The following CMYA5 variants were observed in gnomAD, a reference collection of about 807,000 sequenced individuals.
The protein encoded by CMYA5 is cardiomyopathy associated 5, also known as cardiomyopathy-associated protein 5.
Under a neutral mutation model 318.9 loss-of-function variants are expected in CMYA5, and 246 were observed. That is an observed-to-expected ratio of 0.77 (90% CI 0.70 to 0.86). The LOEUF is 0.86. CMYA5 is among the 40% of genes least tolerant of loss of function. The probability of loss-of-function intolerance (pLI) is 0.00; values close to 1 mark genes in which losing one functional copy is unlikely to be tolerated. For missense variants in CMYA5, 4,589 were observed against 4,678.2 expected, an observed-to-expected ratio of 0.98 and a Z score of 0.56; for synonymous variants, 1,641 against 1,729.5, an observed-to-expected ratio of 0.95 and a Z score of 1.27.
chr5:79,788,971 AT>A lies in CMYA5; in HGVS notation c.11557del (p.Ser3853LeufsTer10), dbSNP rs1191897906. The A allele has an allele frequency of 6.2e-7, 1 of 1,613,214 alleles. No homozygotes were observed. Among genetic ancestry groups the A allele is most frequent in the South Asian group, 1.1e-5 (1 of 90,928 alleles). The part of the protein sequence containing the change: ...QHSPEGEGLR[S>X]FSGIKGLQLK... ...ATTATTATTTTCCTCTTGTATTTAG[AT>A]CTTTCTCTGGAATCAAAGGACTCCA... On this transcript the variant is annotated frameshift_variant and splice_region_variant, in exon 10 of 13. Transcript: ENST00000446378. LOFTEE classifies it high-confidence loss of function.
Position 79,690,024 on chromosome 5 carries a change from G to T in CMYA5, c.117G>T (p.Thr39=). The change falls in exon 1 of 13, where the codon ACG becomes ACT. Residue 39 remains threonine (T), a synonymous_variant. Transcript: ENST00000446378. The part of the protein sequence containing the change: ...EEESEGEEDE[T]AAESEEEPDS... ...AGTCGGAGGGCGAGGAGGACGAGAC[G>T]GCGGCGGAGTCGGAGGAGGAGCCGG... 1 of 1,479,268 alleles carries T rather than the reference G, an allele frequency of 6.8e-7. No homozygotes were observed. The highest frequency in any genetic ancestry group is 9.0e-7 in the Non-Finnish European group (1 of 1,110,664). The allele number at this position is 1,479,268 out of a possible 1,614,324, so 91.6% of individuals were successfully genotyped here.
intron 10 of CMYA5, among the ~76,000 whole-genome samples, chr5:79,790,559 T>A (rs558394390): frequency 1.3e-5 from 2 of 152,150 alleles, no homozygotes; most frequent in South Asian, 2.1e-4. Flanking sequence ...GTGAGCCACC[T>A]CACCCGGCCT....
At chr5:79,765,446 T>G (rs1419668820) in intron 9 of CMYA5, among the ~76,000 whole-genome samples, 1 of 152,196 alleles carries the variant, frequency 6.6e-6, no homozygotes, top group Non-Finnish European at 1.5e-5. Flanking sequence ...TTGTTCTTTT[T>G]GCTTAGGATT....
At position 79,736,736 on chromosome 5, in the gene CMYA5, A is replaced by G. The variant is rs1234842739; in HGVS notation, c.7971A>G (p.Leu2657=). 6.2e-7 allele frequency: 1 copy of G among 1,613,154 alleles called. No individual in the cohort carries two copies. The highest frequency in any genetic ancestry group is 1.7e-5 in the Admixed American group (1 of 59,878). Reference sequence around the variant, plus strand: ...ACTCTTTATCTCAGGAAGGAAATCTAGTATTAGAAAAGTCAAGCAGAGATA... The same window carrying G: ...ACTCTTTATCTCAGGAAGGAAATCTGGTATTAGAAAAGTCAAGCAGAGATA... ...ENHSLSQEGN[L]VLEKSSRDMP... The change falls in exon 2 of 13, where the codon CTA becomes CTG. Residue 2657 remains leucine (L), a synonymous_variant. Transcript: ENST00000446378.
At chr5:79,724,516 T>A (rs1384011505) in intron 1 of CMYA5, among the ~76,000 whole-genome samples, 2 of 152,202 alleles carry the variant, frequency 1.3e-5, no homozygotes, top group East Asian at 3.9e-4. Flanking sequence ...TGCTCAACGC[T>A]GAAAGTGTGG....
chr5:79,713,068 C>T (rs16877072), intron 1 of CMYA5, among the ~76,000 whole-genome samples: 10,190 of 152,254 alleles, frequency 0.067, 407 homozygotes, highest in South Asian at 0.12. Context: ...TTCTCATCCT[C>T]CATGGTTTTT....
intron 1 of CMYA5, among the ~76,000 whole-genome samples, chr5:79,699,158 AAACAAC>A (rs138388164): frequency 1.3e-5 from 2 of 151,826 alleles, no homozygotes; most frequent in African/African-American, 4.8e-5. Flanking sequence ...ACTCTGTCTC[AAACAAC>A]AACAACAACA....
At position 79,733,762 on chromosome 5, in the gene CMYA5, A is replaced by T; in HGVS notation, c.4997A>T (p.Asp1666Val). The change falls in exon 2 of 13, where the codon GAT becomes GTT. Residue 1666 changes from aspartate to valine, a missense_variant. Transcript: ENST00000446378. The part of the protein sequence containing the change: ...QAKSPITETE[D>V]SVLEKGPAEL... ...AAGTCTCCCATAACTGAAACAGAGG[A>T]TTCTGTTTTAGAAAAAGGCCCAGCT... is the stretch of plus-strand genomic sequence containing the variant. The T allele has an allele frequency of 6.2e-7, 1 of 1,613,510 alleles. No homozygotes were observed. Among genetic ancestry groups the T allele is most frequent in the Non-Finnish European group, 8.5e-7 (1 of 1,179,744 alleles).
chr5:79,743,963 A>G, intron 3 of CMYA5, 41 bp downstream of exon 3: 1 of 1,008,000 alleles, frequency 9.9e-7, no homozygotes. Flanking sequence ...TGGCTTGTTC[A>G]CAGTATCAGA....
chr5:79,709,684 G>A (rs964195507), intron 1 of CMYA5, among the ~76,000 whole-genome samples: 3 of 151,360 alleles, frequency 2.0e-5, no homozygotes, highest in African/African-American at 7.3e-5. Flanking sequence ...TCAGCTGGGC[G>A]TGGTGACTCA....
chr5:79,796,394 A>G (rs259101), intron 12 of CMYA5, among the ~76,000 whole-genome samples: 44,360 of 151,836 alleles, frequency 0.29, 6,911 homozygotes, highest in East Asian at 0.56. Flanking sequence ...TAGGCACTAG[A>G]GATACACCAG....
chr5:79,787,980 A>T (rs1371011749), intron 9 of CMYA5, among the ~76,000 whole-genome samples: 1 of 152,104 alleles, frequency 6.6e-6, no homozygotes, highest in Non-Finnish European at 1.5e-5. Flanking sequence ...TTGGATTCTG[A>T]TGCTTTTGTG....
rs199850208 is a variant in CMYA5, at chr5:79,743,917, A to T, written c.10729A>T (p.Ile3577Phe). The part of the protein sequence containing the change: ...VSEIESFFNT[I>F]EENCSKNEKR... ...TGAGATAGAATCCTTTTTTAATACC[A>T]TTGAGGTAAGTTAACACACCCATTT... Residue 3577 changes from isoleucine (I) to phenylalanine (F), a missense_variant, in exon 3 of 13, where the codon ATT (isoleucine) becomes TTT (phenylalanine). Physicochemically the swap from Ile to Phe is conservative, Grantham distance 21. Around this residue, in one of 3 missense-constraint regions of CMYA5, gnomAD observed 2,431 missense variants for 2,495.1 expected, o/e 0.97. Transcript: ENST00000446378. The T allele has an allele frequency of 1.3e-6, 2 of 1,509,946 alleles. No individual in the cohort carries two copies. Among genetic ancestry groups the T allele is most frequent in the African/African-American group, 1.4e-5 (1 of 72,020 alleles). The allele number at this position is 1,509,946 out of a possible 1,614,324, so 93.5% of individuals were successfully genotyped here.
chr5:79,730,041 G>A lies in CMYA5; in HGVS notation c.1276G>A (p.Asp426Asn). The change falls in exon 2 of 13, where the codon GAT becomes AAT. Residue 426 changes from aspartate to asparagine, a missense_variant. Coordinates refer to ENST00000446378, the MANE Select transcript of CMYA5 (RefSeq NM_153610.5). ...ATTTGCTAATGAGGTAAAGAAGGAA[G>A]ATGTGTATTCTGCTCACCATTCCAT... ...PSFANEVKKE[D>N]VYSAHHSISL... is the part of the protein sequence containing the mutation. The A allele has an allele frequency of 6.2e-7, 1 of 1,613,974 alleles. No homozygotes were observed. The highest frequency in any genetic ancestry group is 1.6e-4 in the Middle Eastern group (1 of 6,062).
chr5:79,698,854 G>A (rs1462560823), intron 1 of CMYA5, among the ~76,000 whole-genome samples: 1 of 152,150 alleles, frequency 6.6e-6, no homozygotes, highest in Non-Finnish European at 1.5e-5. Context: ...ACACAGTAGG[G>A]GCCTAATAAG....
Position 79,799,873 on chromosome 5 carries a change from A to AACACAG in CMYA5, c.*258_*259insCACAGA. On this transcript the variant is annotated 3_prime_UTR_variant, in exon 13 of 13. Transcript: ENST00000446378. ...AAGTTTGAGTTCTTTCCTAAATTAA[A>AACACAG]AGATCTACACTTGAGTTGGGAACCG... 6.3e-5 allele frequency: 9 copies of AACACAG among 142,344 alleles called. No individual in the cohort carries two copies. The highest frequency in any genetic ancestry group is 2.9e-4 in the South Asian group (2 of 6,880). 8.8% of individuals were successfully genotyped at this position (142,344 alleles called of 1,614,324 possible). A position where few individuals can be genotyped will look rare whatever the true frequency, so the allele number is the denominator to read the frequency against.
Position 79,736,232 on chromosome 5 carries a change from T to C in CMYA5, c.7467T>C (p.Asn2489=), listed in dbSNP as rs746648534. The C allele has an allele frequency of 8.1e-6, 13 of 1,613,322 alleles. No individual in the cohort carries two copies. The highest frequency in any genetic ancestry group is 1.0e-5 in the Non-Finnish European group (12 of 1,179,690). Residue 2489 remains asparagine (N), a synonymous_variant, in exon 2 of 13, where the codon AAT becomes AAC. Coordinates refer to ENST00000446378, the MANE Select transcript of CMYA5 (RefSeq NM_153610.5). ...CCCCATTAGAGCTTAGAGATAGTAA[T>C]GAAATAGGGAAGACACAAATTACAC... ...SVAPLELRDS[N]EIGKTQITLG... is the part of the protein sequence containing the mutation.
At position 79,738,402 on chromosome 5, in the gene CMYA5, G is replaced by A; in HGVS notation, c.9637G>A (p.Glu3213Lys). The A allele has an allele frequency of 6.2e-7, 1 of 1,613,778 alleles. No homozygotes were observed. The change falls in exon 2 of 13, where the codon GAA (glutamate) becomes AAA (lysine). Residue 3213 changes from glutamate (E) to lysine (K), a missense_variant. By Grantham distance (56) the Glu-to-Lys change is moderately conservative (BLOSUM62 1). Coordinates refer to ENST00000446378, the MANE Select transcript of CMYA5 (RefSeq NM_153610.5). Reference protein sequence around the residue: ...EKKKEEETASEGDSVNSEASF... With the variant: ...EKKKEEETASKGDSVNSEASF... ...AAAGAAGGAAGAGGAGACAGCTTCT[G>A]AAGGTGACAGTGTGAATTCTGAGGC...
At chr5:79,757,424 G>A (rs1213272469) in intron 6 of CMYA5, among the ~76,000 whole-genome samples, 1 of 152,026 alleles carries the variant, frequency 6.6e-6, no homozygotes, top group African/African-American at 2.4e-5. Context: ...TCAGAACAAC[G>A]GAGTTATACT....
Sources: allele counts gnomAD v4.1 joint callset (sites outside exome capture counted in the v4.1 genomes callset), GRCh38; gene constraint gnomAD v4.1.1; regional missense constraint gnomAD v4.1.1; transcripts MANE v1.5; gene names NCBI Gene and HGNC (gene_info 2026-07-23, HGNC 2026-07-21).